Variants in CGNL1 observed in about 807,000 individuals in gnomAD.
The protein encoded by CGNL1 is cingulin-like protein 1.
In CGNL1, 132 loss-of-function variants were observed where a neutral mutation model predicts 141.2. That is an observed-to-expected ratio of 0.93 (90% CI 0.81 to 1.08). CGNL1 has a LOEUF of 1.08. CGNL1 is among the 50% of genes least tolerant of loss of function. The pLI is 0.00. For missense variants in CGNL1, 1,870 were observed against 1,588.6 expected (o/e 1.18, Z -3.01); for synonymous variants, 690 against 622.1 (o/e 1.11, Z -1.63).
chr15:57,418,671 C>G (rs2062877992), intron 1 of CGNL1, among the ~76,000 whole-genome samples: 1 of 152,184 alleles, frequency 6.6e-6, no homozygotes, highest in African/African-American at 2.4e-5. Context: ...AGCTTGGAGA[C>G]TTACTGGGCT....
chr15:57,413,371 G>A (rs1461476349), intron 1 of CGNL1, among the ~76,000 whole-genome samples: 1 of 151,998 alleles, frequency 6.6e-6, no homozygotes, highest in Non-Finnish European at 1.5e-5. Flanking sequence ...CAACCTCCTG[G>A]GCTCAAGCCA....
At chr15:57,430,547 T>C (rs564999777) in intron 1 of CGNL1, among the ~76,000 whole-genome samples, 1 of 152,276 alleles carries the variant, frequency 6.6e-6, no homozygotes, top group South Asian at 2.1e-4. Context: ...AATTAAGTGG[T>C]GATATATGTG....
intron 8 of CGNL1, among the ~76,000 whole-genome samples, chr15:57,498,548 T>G (rs1316251959): frequency 6.6e-6 from 1 of 152,156 alleles, no homozygotes; most frequent in African/African-American, 2.4e-5. Context: ...TGTTTTTTCT[T>G]TTTTTGAGTA....
chr15:57,431,653 T>C (rs547926752), intron 1 of CGNL1, among the ~76,000 whole-genome samples: 25 of 152,362 alleles, frequency 1.6e-4, no homozygotes, highest in Admixed American at 1.1e-3. Flanking sequence ...GCCCGTGGGC[T>C]GCCTGTGGCC....
chr15:57,528,903 C>G (rs886079289), intron 13 of CGNL1, 88 bp downstream of exon 13: 30 of 1,414,958 alleles, frequency 2.1e-5, no homozygotes, highest in Non-Finnish European at 2.8e-5. Context: ...CTCAGCTCAG[C>G]CTTTGGGAAG....
rs777491286 is a variant in CGNL1 at position 57,516,791 on chromosome 15, C to G, written c.2415C>G (p.Val805=). ...SVEEATKNVE[V]LASRSNTSEQ... ...TGTGTTTTTAACAGAATGTCGAGGT[C>G]TTGGCGAGCAGGAGCAACACTTCAG... Residue 805 remains valine, a synonymous_variant, in exon 9 of 19, where the codon GTC becomes GTG. Transcript: ENST00000281282. 6.2e-6 allele frequency: 10 copies of G among 1,614,120 alleles called. No homozygotes were observed. Among genetic ancestry groups the G allele is most frequent in the Middle Eastern group, 1.7e-4 (1 of 6,036 alleles).
chr15:57,381,784 T>C (rs2062427760), intron 1 of CGNL1, among the ~76,000 whole-genome samples: 1 of 152,128 alleles, frequency 6.6e-6, no homozygotes, highest in Admixed American at 6.5e-5. Context: ...AATTTTACTA[T>C]TTTCCTCTAC....
intron 12 of CGNL1, 85 bp downstream of exon 12, chr15:57,524,836 G>A: frequency 1.5e-6 from 2 of 1,363,032 alleles, no homozygotes; most frequent in African/African-American, 1.5e-5. Flanking sequence ...GGACTTGGGG[G>A]TAGATTCGTG....
intron 1 of CGNL1, among the ~76,000 whole-genome samples, chr15:57,433,676 C>T (rs1466260496): frequency 6.6e-6 from 1 of 152,166 alleles, no homozygotes; most frequent in Non-Finnish European, 1.5e-5. Flanking sequence ...CTTCCCCACC[C>T]CAGCAGCAGC....
At chr15:57,437,725 C>T (rs1280392) in intron 1 of CGNL1, among the ~76,000 whole-genome samples, 4,631 of 149,846 alleles carry the variant, frequency 0.031, 227 homozygotes, top group East Asian at 0.13. Flanking sequence ...GGTCATTACA[C>T]GGGTTGTCTG....
At chr15:57,533,823 A>C (rs181611679) in intron 14 of CGNL1, among the ~76,000 whole-genome samples, 6 of 152,200 alleles carry the variant, frequency 3.9e-5, no homozygotes, top group Admixed American at 2.0e-4. Context: ...TATTTCCACT[A>C]AGCCAAGAAC....
intron 1 of CGNL1, among the ~76,000 whole-genome samples, chr15:57,417,958 A>G (rs2062868384): frequency 6.6e-6 from 1 of 152,174 alleles, no homozygotes; most frequent in African/African-American, 2.4e-5. Context: ...GAGCTTTGAC[A>G]GCATTGACTT....
chr15:57,388,838 A>G (rs188834859), intron 1 of CGNL1, among the ~76,000 whole-genome samples: 227 of 152,338 alleles, frequency 1.5e-3, no homozygotes, highest in Non-Finnish European at 2.1e-3. Context: ...TGTTGGAAAG[A>G]CTTCATGGCA....
At chr15:57,410,171 C>G (rs1457664878) in intron 1 of CGNL1, among the ~76,000 whole-genome samples, 1 of 152,176 alleles carries the variant, frequency 6.6e-6, no homozygotes, top group African/African-American at 2.4e-5. Flanking sequence ...CAAGAGAGGA[C>G]TGTGGAGTGA....
chr15:57,468,003 T>G (rs2063531161), intron 8 of CGNL1, among the ~76,000 whole-genome samples: 1 of 152,264 alleles, frequency 6.6e-6, no homozygotes, highest in South Asian at 2.1e-4. Context: ...TCTCTGAGTT[T>G]TAAAGAAACA....
At position 57,438,195 on chromosome 15, in the gene CGNL1, G is replaced by T; in HGVS notation, c.196G>T (p.Gly66Cys). 1 of 1,614,176 alleles carries T rather than the reference G, an allele frequency of 6.2e-7. No homozygotes were observed. The highest frequency in any genetic ancestry group is 1.6e-4 in the Middle Eastern group (1 of 6,062). Residue 66 changes from glycine to cysteine, a missense_variant, in exon 2 of 19, where the codon GGC becomes TGC. Physicochemically the swap from Gly to Cys is radical, Grantham distance 159. Coordinates refer to ENST00000281282, the MANE Select transcript of CGNL1 (RefSeq NM_032866.5). ...GAATAACACAGAACGGTGCCTAGCA[G>T]GCACATCGTTTTCTGAAAATGGGCC... ...VLNNTERCLA[G>C]TSFSENGPPF...
At chr15:57,428,457 G>A (rs1290553942) in intron 1 of CGNL1, among the ~76,000 whole-genome samples, 2 of 152,174 alleles carry the variant, frequency 1.3e-5, no homozygotes, top group Non-Finnish European at 2.9e-5. Flanking sequence ...GAAATCACCG[G>A]GGCTGGCCTC....
chr15:57,451,700 T>C (rs1416126751), intron 5 of CGNL1, 99 bp downstream of exon 5: 6 of 791,230 alleles, frequency 7.6e-6, no homozygotes, highest in Non-Finnish European at 1.2e-5. Flanking sequence ...AGCCAATTTT[T>C]TTTCCCCCAA....
intron 8 of CGNL1, among the ~76,000 whole-genome samples, chr15:57,475,758 C>T (rs901036289): frequency 3.9e-5 from 6 of 152,078 alleles, no homozygotes; most frequent in African/African-American, 7.2e-5. Context: ...GGATTCTCTG[C>T]GTGTGCCCTA....
Sources: allele counts gnomAD v4.1 joint callset (sites outside exome capture counted in the v4.1 genomes callset), GRCh38; gene constraint gnomAD v4.1.1; transcripts MANE v1.5; gene names NCBI Gene and HGNC (gene_info 2026-07-23, HGNC 2026-07-21).